ALDH2: variants seen among roughly 807,000 people sequenced by gnomAD.
ALDH2 encodes aldehyde dehydrogenase 2 family member.
In ALDH2, 44 loss-of-function variants were observed where a neutral mutation model predicts 59.6. That is an observed-to-expected ratio of 0.74 (90% CI 0.58 to 0.95). ALDH2 has a LOEUF of 0.95. Ranked by LOEUF, ALDH2 falls within the 40% of genes least tolerant of loss-of-function variation. The probability of loss-of-function intolerance (pLI) is 0.00; values close to 1 mark genes in which losing one functional copy is unlikely to be tolerated. For synonymous variants in ALDH2, 291 were observed against 284.0 expected, an observed-to-expected ratio of 1.02 and a Z score of -0.25; for missense variants, 570 against 696.3, an observed-to-expected ratio of 0.82 and a Z score of 2.04.
chr12:111,799,514 T>C (rs1334511723), intron 10 of ALDH2, among the ~76,000 whole-genome samples: 1 of 151,198 alleles, frequency 6.6e-6, no homozygotes, highest in East Asian at 2.0e-4. Flanking sequence ...TCTCTGTGTT[T>C]GCCAGGCTGG....
At chr12:111,783,093 G>A (rs1281451385) in intron 2 of ALDH2, 65 bp from the exon 3 acceptor site, 11 of 1,561,038 alleles carry the variant, frequency 7.0e-6, no homozygotes, top group Non-Finnish European at 9.6e-6. Flanking sequence ...TTTGTATTCG[G>A]ACCTGGTTAT....
At position 111,806,222 on chromosome 12, in the gene ALDH2, C is replaced by CGGAA. The variant is rs370125027; in HGVS notation, c.1521+2251_1521+2254dup. On this transcript the variant is annotated intron_variant, in intron 12 of 12. Coordinates refer to ENST00000261733, the MANE Select transcript of ALDH2 (RefSeq NM_000690.4). ...GTCCCAGCTACTCAGGAGGCTGAGG[C>CGGAA]GGAAGAATGGCGTGAACCCAGTGGG... Among the ~76,000 whole-genome samples the CGGAA allele has an allele frequency of 4.7e-3, 704 of 151,042 alleles. 8 individuals are homozygous for CGGAA. The highest frequency in any genetic ancestry group is 0.016 in the African/African-American group (644 of 41,114).
chr12:111,784,049 G>A (rs2068293269), intron 3 of ALDH2, among the ~76,000 whole-genome samples: 2 of 152,198 alleles, frequency 1.3e-5, no homozygotes, highest in South Asian at 4.1e-4. Context: ...ATTATACATG[G>A]CACTCTGCTC....
At chr12:111,780,466 T>C (rs942567872) in intron 1 of ALDH2, among the ~76,000 whole-genome samples, 4 of 152,232 alleles carry the variant, frequency 2.6e-5, no homozygotes, top group Non-Finnish European at 5.9e-5. Context: ...GACTTATTCC[T>C]GCCCTGGGGC....
At chr12:111,794,638 G>A (rs948261790) in intron 9 of ALDH2, among the ~76,000 whole-genome samples, 1 of 151,732 alleles carries the variant, frequency 6.6e-6, no homozygotes, top group Non-Finnish European at 1.5e-5. Flanking sequence ...TCCCAAGTAG[G>A]TGGGACTACA....
intron 1 of ALDH2, among the ~76,000 whole-genome samples, chr12:111,770,102 C>T (rs1467017211): frequency 2.7e-5 from 4 of 150,916 alleles, no homozygotes; most frequent in Admixed American, 2.6e-4. Flanking sequence ...CGAGATCACA[C>T]TACTGCATTC....
intron 4 of ALDH2, 110 bp from the exon 5 acceptor site, chr12:111,789,713 C>A: frequency 1.1e-6 from 1 of 912,068 alleles, no homozygotes. Flanking sequence ...AAAGCAAAGA[C>A]AGTTTTCAGA....
rs1293911646 is a variant in ALDH2 at position 111,816,871 on chromosome 12, G to C, written c.*7296G>C. ...TTATTTAAATCAAGAATTTTGTTTT[G>C]TAATTCACCGATATCAAAGGTGATG... On this transcript the variant is annotated 3_prime_UTR_variant, in exon 13 of 13. Coordinates refer to ENST00000261733, the MANE Select transcript of ALDH2 (RefSeq NM_000690.4). The C allele has an allele frequency of 6.6e-6, 1 of 152,178 alleles. No individual in the cohort carries two copies. The highest frequency in any genetic ancestry group is 1.5e-5 in the Non-Finnish European group (1 of 68,026). 9.4% of individuals were successfully genotyped at this position (152,178 alleles called of 1,614,324 possible). A position where few individuals can be genotyped will look rare whatever the true frequency, so the allele number is the denominator to read the frequency against.
At position 111,798,318 on chromosome 12, in the gene ALDH2, T is replaced by C. The variant is rs867852330; in HGVS notation, c.1248+76T>C. 4.1e-6 allele frequency: 6 copies of C among 1,459,924 alleles called. No individual in the cohort carries two copies. In the Middle Eastern group the frequency reaches 1.1e-3, roughly 261 times the overall value. 90.4% of individuals were successfully genotyped at this position (1,459,924 alleles called of 1,614,324 possible). Reference sequence around the variant, plus strand: ...TAAACAGTTCAGCCTGGCATCCTGATGCTGTCACCCATCTGCTGGCTTGGG... The same window carrying C: ...TAAACAGTTCAGCCTGGCATCCTGACGCTGTCACCCATCTGCTGGCTTGGG... On this transcript the variant is annotated intron_variant, in intron 10 of 12. Coordinates refer to ENST00000261733, the MANE Select transcript of ALDH2 (RefSeq NM_000690.4).
At chr12:111,780,989 G>A (rs1472532220) in intron 1 of ALDH2, among the ~76,000 whole-genome samples, 1 of 151,956 alleles carries the variant, frequency 6.6e-6, no homozygotes, top group Non-Finnish European at 1.5e-5. Context: ...TGTGCCTGTG[G>A]TCCCAGCTAC....
At chr12:111,805,580 C>A (rs2068487623) in intron 12 of ALDH2, among the ~76,000 whole-genome samples, 1 of 152,136 alleles carries the variant, frequency 6.6e-6, no homozygotes, top group African/African-American at 2.4e-5. Flanking sequence ...CTGCCTTGGT[C>A]CCAAAGTGCT....
intron 9 of ALDH2, among the ~76,000 whole-genome samples, chr12:111,796,215 G>A (rs148742173): frequency 3.9e-5 from 6 of 152,050 alleles, no homozygotes; most frequent in Non-Finnish European, 7.4e-5. Flanking sequence ...CCAGCTACTC[G>A]GGAGGCTGAG....
At chr12:111,782,590 C>G (rs575673322) in intron 2 of ALDH2, among the ~76,000 whole-genome samples, 23 of 151,346 alleles carry the variant, frequency 1.5e-4, no homozygotes, top group African/African-American at 5.6e-4. Flanking sequence ...TAATTTAAAA[C>G]TAAGAAAATA....
intron 2 of ALDH2, 60 bp from the exon 3 acceptor site, chr12:111,783,098 G>T: frequency 6.4e-7 from 1 of 1,574,020 alleles, no homozygotes. Context: ...ATTCGGACCT[G>T]GTTATTACTG....
rs1055429264 is a variant in ALDH2, at chr12:111,803,798, T to A, written c.1407-61T>A. 9 of 1,250,520 alleles carry A rather than the reference T, an allele frequency of 7.2e-6. No homozygotes were observed. In the Admixed American group the frequency reaches 1.2e-4, roughly 16 times the overall value. The allele number at this position is 1,250,520 out of a possible 1,614,324, so 77.5% of individuals were successfully genotyped here. The stretch of plus-strand genomic sequence containing the variant: ...AAAGACTTTGGGGCAATACAGGGGG[T>A]CCTGGGAGTGTAACCCATAACCCCC... On this transcript the variant is annotated intron_variant, in intron 11 of 12. Coordinates refer to ENST00000261733, the MANE Select transcript of ALDH2 (RefSeq NM_000690.4).
rs1368630048 is a variant in ALDH2 at position 111,811,454 on chromosome 12, A to G, written c.*1879A>G. The G allele has an allele frequency of 5.3e-5, 8 of 151,896 alleles. No homozygotes were observed. The highest frequency in any genetic ancestry group is 1.9e-4 in the African/African-American group (8 of 41,350). 9.4% of individuals were successfully genotyped at this position (151,896 alleles called of 1,614,324 possible). A position where few individuals can be genotyped will look rare whatever the true frequency, so the allele number is the denominator to read the frequency against. ...ACACCACTCTGTGATTTGAGTCTTG[A>G]CAATGTATTTTCTTTTTTTTTTTCT... On this transcript the variant is annotated 3_prime_UTR_variant, in exon 13 of 13. Coordinates refer to ENST00000261733, the MANE Select transcript of ALDH2 (RefSeq NM_000690.4).
intron 12 of ALDH2, among the ~76,000 whole-genome samples, chr12:111,807,647 T>C (rs2068507466): frequency 1.3e-5 from 2 of 152,076 alleles, no homozygotes; most frequent in Non-Finnish European, 2.9e-5. Flanking sequence ...GAGAAGAACG[T>C]ACTAAACAAA....
intron 9 of ALDH2, among the ~76,000 whole-genome samples, chr12:111,797,212 C>T (rs1308243504): frequency 6.6e-6 from 1 of 152,130 alleles, no homozygotes; most frequent in African/African-American, 2.4e-5. Flanking sequence ...AGATTACAGG[C>T]GTGAGCCACT....
chr12:111,777,525 G>A (rs760514434), intron 1 of ALDH2, among the ~76,000 whole-genome samples: 4 of 152,266 alleles, frequency 2.6e-5, no homozygotes, highest in Non-Finnish European at 4.4e-5. Context: ...TGTGTGAGGC[G>A]TGAACCCTGA....
Sources: allele counts gnomAD v4.1 joint callset (sites outside exome capture counted in the v4.1 genomes callset), GRCh38; gene constraint gnomAD v4.1.1; transcripts MANE v1.5; gene names NCBI Gene and HGNC (gene_info 2026-07-23, HGNC 2026-07-21).